The following RYR1 variants were observed in gnomAD, a reference collection of about 807,000 sequenced individuals.
The protein encoded by RYR1 is central core disease of muscle.
Under a neutral mutation model 583.5 loss-of-function variants are expected in RYR1, and 342 were observed. That is an observed-to-expected ratio of 0.59 (90% CI 0.54 to 0.64). RYR1 has a LOEUF of 0.64. Among genes scored for constraint, RYR1 ranks in the 30% least tolerant of loss-of-function variants. RYR1 has a pLI of 0.00. For missense variants in RYR1, 6,032 were observed against 6,917.2 expected, an observed-to-expected ratio of 0.87 and a Z score of 4.54; for synonymous variants, 2,791 against 2,822.5, an observed-to-expected ratio of 0.99 and a Z score of 0.35.
Position 38,496,719 on chromosome 19 carries a change from A to T in RYR1, c.6797-141A>T. 2 of 1,106,354 alleles carry T rather than the reference A, an allele frequency of 1.8e-6. No homozygotes were observed. Among genetic ancestry groups the T allele is most frequent in the Non-Finnish European group, 2.7e-6 (2 of 733,008 alleles). The allele number at this position is 1,106,354 out of a possible 1,614,324, so 68.5% of individuals were successfully genotyped here. ...AGTGACCCCAATAGTGACAGCCCAG[A>T]GTGGTCAGAGCTTGGATGAGGGAAG... On this transcript the variant is annotated intron_variant, in intron 41 of 105. Coordinates refer to ENST00000359596, the MANE Select transcript of RYR1 (RefSeq NM_000540.3). The surrounding 1 kb of genome is among the most constrained non-coding windows in gnomAD (Gnocchi z 4.8).
chr19:38,548,568 TTATATG>T (rs1179616710), intron 89 of RYR1, 148 bp downstream of exon 89: 9 of 743,968 alleles, frequency 1.2e-5, no homozygotes, highest in Non-Finnish European at 2.0e-5. Context: ...AGTCCTTGGG[TTATATG>T]TATTCTGTTT....
Position 38,444,449 on chromosome 19 carries a change from G to T in RYR1, c.538-135G>T. The T allele has an allele frequency of 1.2e-6, 1 of 866,640 alleles. No individual in the cohort carries two copies. Among genetic ancestry groups the T allele is most frequent in the Admixed American group, 2.0e-5 (1 of 50,058 alleles). The allele number at this position is 866,640 out of a possible 1,614,324, so 53.7% of individuals were successfully genotyped here. ...CCATTGCCCGACTTGATCATTTCCT[G>T]ATCTGTGATCTCTGATGACTCTGTC... On this transcript the variant is annotated intron_variant, in intron 6 of 105. Transcript: ENST00000359596. The surrounding 1 kb of genome is among the most constrained non-coding windows in gnomAD (Gnocchi z 5.1).
Position 38,502,930 on chromosome 19 carries a change from A to T in RYR1, c.7886A>T (p.Asp2629Val). ...LQHLLRRLVFDVPILNEFAKM... is the reference protein window; with the variant it reads ...LQHLLRRLVFVVPILNEFAKM... ...CACCTGTTGCGCCGCCTGGTGTTCG[A>T]CGTGCCCATCCTCAACGAGTTCGCC... is the stretch of plus-strand genomic sequence containing the variant. Residue 2629 changes from aspartate (D) to valine (V), a missense_variant, in exon 49 of 106, where the codon GAC becomes GTC. By Grantham distance (152) the Asp-to-Val change is radical (BLOSUM62 -3). This residue lies in a region of RYR1 where 250 missense variants were observed against 162.3 expected (regional missense o/e 1.54). Coordinates refer to ENST00000359596, the MANE Select transcript of RYR1 (RefSeq NM_000540.3). The T allele has an allele frequency of 6.2e-7, 1 of 1,611,464 alleles. No individual in the cohort carries two copies. The highest frequency in any genetic ancestry group is 8.5e-7 in the Non-Finnish European group (1 of 1,179,960).
Position 38,502,510 on chromosome 19 carries a change from A to C in RYR1, c.7618A>C (p.Thr2540Pro), listed in dbSNP as rs1970171590. The C allele has an allele frequency of 6.3e-7, 1 of 1,588,626 alleles. No homozygotes were observed. Among genetic ancestry groups the C allele is most frequent in the Non-Finnish European group, 8.5e-7 (1 of 1,172,220 alleles). Reference sequence around the variant, plus strand: ...ATGTCCTCACCCTGCGCCCTAGGCCACTTTCAGCACCACCGAGATGGCGCT... The same window carrying C: ...ATGTCCTCACCCTGCGCCCTAGGCCCCTTTCAGCACCACCGAGATGGCGCT... ...MRAAASLDTA[T>P]FSTTEMALAL... Residue 2540 changes from threonine (T) to proline (P), a missense_variant, in exon 48 of 106, where the codon ACT becomes CCT. Physicochemically the swap from Thr to Pro is conservative, Grantham distance 38. Coordinates refer to ENST00000359596, the MANE Select transcript of RYR1 (RefSeq NM_000540.3).
chr19:38,468,830 C>T (rs1395911411), intron 25 of RYR1, 136 bp from the exon 26 acceptor site: 2 of 854,000 alleles, frequency 2.3e-6, no homozygotes, highest in East Asian at 2.7e-5. Flanking sequence ...TGTGGGGTGA[C>T]CCCTCTTCCA....
At chr19:38,545,371 G>C (rs2960317) in intron 87 of RYR1, among the ~76,000 whole-genome samples, 38,328 of 152,064 alleles carry the variant, frequency 0.25, 5,708 homozygotes, top group African/African-American at 0.4. Flanking sequence ...GACCTTAGGC[G>C]CAGAATGCAG....
Position 38,457,557 on chromosome 19 carries a change from G to A in RYR1, c.1852G>A (p.Asp618Asn). The A allele has an allele frequency of 6.2e-7, 1 of 1,614,116 alleles. No individual in the cohort carries two copies. Among genetic ancestry groups the A allele is most frequent in the Non-Finnish European group, 8.5e-7 (1 of 1,180,030 alleles). ...CNGVAVRSNQDLITENLLPGR... is the reference protein window; with the variant it reads ...CNGVAVRSNQNLITENLLPGR... ...TGGTGTGGCTGTACGCTCCAACCAA[G>A]ATCTTATTACTGAGAACTTGCTGCC... is the stretch of plus-strand genomic sequence containing the variant. The change falls in exon 17 of 106, where the codon GAT becomes AAT. Residue 618 changes from aspartate to asparagine, a missense_variant. This residue lies in a region of RYR1 where 2,627 missense variants were observed against 2,961.3 expected (regional missense o/e 0.89). Coordinates refer to ENST00000359596, the MANE Select transcript of RYR1 (RefSeq NM_000540.3).
chr19:38,584,824 G>A (rs1599673835), intron 101 of RYR1, 119 bp from the exon 102 acceptor site: 10 of 1,220,400 alleles, frequency 8.2e-6, no homozygotes, highest in South Asian at 7.7e-5. Context: ...GCCCTTTGAG[G>A]GCAGGGCCCA....
intron 69 of RYR1, 23 bp from the exon 70 acceptor site, chr19:38,523,892 C>CT (rs1438893850): frequency 6.2e-7 from 1 of 1,614,024 alleles, no homozygotes; most frequent in East Asian, 2.2e-5. Flanking sequence ...CTTCTTGTCT[C>CT]TGTCTGCGGT....
chr19:38,566,522 G>A (rs1973444688), intron 91 of RYR1, among the ~76,000 whole-genome samples: 1 of 150,914 alleles, frequency 6.6e-6, no homozygotes. Context: ...GACAGGGTCA[G>A]GGCCACTAGG....
intron 90 of RYR1, among the ~76,000 whole-genome samples, chr19:38,563,429 T>A (rs1973244513): frequency 6.6e-6 from 1 of 152,190 alleles, no homozygotes; most frequent in Middle Eastern, 3.2e-3. Flanking sequence ...CATGCCCACC[T>A]AATTTTTATA....
chr19:38,442,554 G>T (rs946747970), intron 3 of RYR1, 101 bp downstream of exon 3: 6 of 802,000 alleles, frequency 7.5e-6, no homozygotes, highest in Admixed American at 5.8e-5. Context: ...AGGACCCGGG[G>T]GTCGCTTACC....
chr19:38,573,797 A>G (rs900391895), intron 96 of RYR1, among the ~76,000 whole-genome samples: 5 of 152,092 alleles, frequency 3.3e-5, no homozygotes, highest in African/African-American at 1.2e-4. Context: ...CATGCATTAC[A>G]GCATCTGTGT....
At position 38,567,825 on chromosome 19, in the gene RYR1, A is replaced by G; in HGVS notation, c.13567A>G (p.Lys4523Glu). The stretch of plus-strand genomic sequence containing the variant: ...TCCCGAGCCCACACCAGAGCCCCCC[A>G]AGAAGCAAGCACCTCCCTCACCCCC... ...EVPEPTPEPP[K>E]KQAPPSPPPK... is the part of the protein sequence containing the mutation. The change falls in exon 93 of 106, where the codon AAG becomes GAG. Residue 4523 changes from lysine (K) to glutamate (E), a missense_variant. Lys to Glu is a moderately conservative substitution (Grantham distance 56, BLOSUM62 1). Coordinates refer to ENST00000359596, the MANE Select transcript of RYR1 (RefSeq NM_000540.3). 6.2e-7 allele frequency: 1 copy of G among 1,614,096 alleles called. No individual in the cohort carries two copies. The highest frequency in any genetic ancestry group is 2.2e-5 in the East Asian group (1 of 44,872).
At chr19:38,563,205 T>C (rs1312452501) in intron 90 of RYR1, among the ~76,000 whole-genome samples, 1 of 152,248 alleles carries the variant, frequency 6.6e-6, no homozygotes, top group Non-Finnish European at 1.5e-5. Context: ...TTCTCAGGCA[T>C]CCACGTATGC....
intron 95 of RYR1, 105 bp from the exon 96 acceptor site, chr19:38,573,072 A>C: frequency 6.4e-7 from 1 of 1,561,326 alleles, no homozygotes; most frequent in South Asian, 1.1e-5. Context: ...AGCACTTCTG[A>C]TGTGGGGTCA....
chr19:38,584,857 G>A, intron 101 of RYR1, 86 bp from the exon 102 acceptor site: 6 of 1,535,026 alleles, frequency 3.9e-6, no homozygotes, highest in Non-Finnish European at 5.4e-6. Flanking sequence ...TCGTTACCAT[G>A]TCTTCAGCCC....
Position 38,469,466 on chromosome 19 carries a change from G to A in RYR1, c.3718G>A (p.Gly1240Ser). 4 of 1,614,164 alleles carry A rather than the reference G, an allele frequency of 2.5e-6. No homozygotes were observed. The highest frequency in any genetic ancestry group is 3.4e-6 in the Non-Finnish European group (4 of 1,180,036). The change falls in exon 27 of 106, where the codon GGC (glycine) becomes AGC (serine). Residue 1240 changes from glycine (G) to serine (S), a missense_variant. Gly to Ser is a moderately conservative substitution (Grantham distance 56, BLOSUM62 0). This residue lies in a region of RYR1 where 2,627 missense variants were observed against 2,961.3 expected (regional missense o/e 0.89). Transcript: ENST00000359596. ...QRPVTTWFSK[G>S]LPQFEPVPLE... Reference sequence around the variant, plus strand: ...CCCAGTCACCACCTGGTTCAGCAAAGGCCTGCCCCAGTTTGAGCCAGTGCC... The same window carrying A: ...CCCAGTCACCACCTGGTTCAGCAAAAGCCTGCCCCAGTTTGAGCCAGTGCC...
chr19:38,464,708 A>G lies in RYR1; in HGVS notation c.2856A>G (p.Thr952=), dbSNP rs1472399728. The part of the protein sequence containing the change: ...DEKAEDNLKK[T]KLPKTYMMSN... ...AGGCGGAGGACAACCTGAAGAAGACAAAACTCCCCAAGACGTGAGTGTGGG... is the reference window on the plus strand; with the variant it reads ...AGGCGGAGGACAACCTGAAGAAGACGAAACTCCCCAAGACGTGAGTGTGGG... Residue 952 remains threonine (T), a synonymous_variant, in exon 23 of 106, where the codon ACA becomes ACG. Transcript: ENST00000359596. The G allele has an allele frequency of 1.3e-6, 2 of 1,586,370 alleles. No homozygotes were observed. The highest frequency in any genetic ancestry group is 1.7e-6 in the Non-Finnish European group (2 of 1,166,300).
Sources: allele counts gnomAD v4.1 joint callset (sites outside exome capture counted in the v4.1 genomes callset), GRCh38; gene constraint gnomAD v4.1.1; regional missense constraint gnomAD v4.1.1; non-coding constraint Gnocchi (gnomAD v3.1); transcripts MANE v1.5; gene names NCBI Gene and HGNC (gene_info 2026-07-23, HGNC 2026-07-21).